The following GBP3 variants were observed in gnomAD, a reference collection of about 807,000 sequenced individuals.
The protein encoded by GBP3 is guanylate binding protein 3, also known as guanylate-binding protein 3.
GBP3 carries 55 observed loss-of-function variants against 62.4 expected under a neutral mutation model. The observed-to-expected ratio is 0.88, with a 90% CI of 0.71 to 1.10. The LOEUF (loss-of-function observed/expected upper bound fraction) is 1.10. Ranked by LOEUF, GBP3 falls within the 50% of genes least tolerant of loss-of-function variation. The pLI, the probability that GBP3 is intolerant of heterozygous loss-of-function variation, is 0.00. For synonymous variants in GBP3, 208 were observed against 259.2 expected (o/e 0.80, Z 1.90); for missense variants, 605 against 690.6 (o/e 0.88, Z 1.39).
At chr1:89,018,886 C>T (rs373001548) in intron 2 of GBP3, among the ~76,000 whole-genome samples, 5 of 152,328 alleles carry the variant, frequency 3.3e-5, no homozygotes, top group South Asian at 4.1e-4. Context: ...TATTATTTCT[C>T]GACCTGCCGG....
At position 89,015,203 on chromosome 1, in the gene GBP3, A is replaced by T. The variant is rs1570899256; in HGVS notation, c.318+84T>A. On this transcript the variant is annotated intron_variant, in intron 3 of 10. Transcript: ENST00000370481. ...AAAGACAAATTATAGTTAAATGCAA[A>T]CTCTTCTTTAAGAAAAAACTAAATG... 9 of 1,357,198 alleles carry T rather than the reference A, an allele frequency of 6.6e-6. No homozygotes were observed. The East Asian group carries it at 1.7e-4, about 25-fold the overall frequency. 84.1% of individuals were successfully genotyped at this position (1,357,198 alleles called of 1,614,324 possible). A position where few individuals can be genotyped will look rare whatever the true frequency, so the allele number is the denominator to read the frequency against.
chr1:89,018,828 G>A (rs771577918), intron 2 of GBP3, among the ~76,000 whole-genome samples: 15 of 152,266 alleles, frequency 9.9e-5, no homozygotes, highest in Non-Finnish European at 1.3e-4. Flanking sequence ...CACGGGACCA[G>A]AAGGCTGTGA....
In GBP3 at chr1:89,007,526, G is replaced by A. The variant is rs1028521507; in HGVS notation, c.*198C>T. 1.6e-5 allele frequency: 9 copies of A among 550,550 alleles called. No individual in the cohort carries two copies. In the South Asian group the frequency reaches 1.8e-4, roughly 11 times the overall value. The allele number at this position is 550,550 out of a possible 1,614,324, so 34.1% of individuals were successfully genotyped here. On this transcript the variant is annotated 3_prime_UTR_variant, in exon 11 of 11. Transcript: ENST00000370481. ...ATGATCCCTCCTCTGTTGGTACAGA[G>A]GTAAATGCATCTTTGTTGCACAATT...
At chr1:89,008,621 C>T (rs1299764758) in intron 10 of GBP3, among the ~76,000 whole-genome samples, 2 of 151,540 alleles carry the variant, frequency 1.3e-5, no homozygotes, top group African/African-American at 4.9e-5. Context: ...TGTTTCCTCT[C>T]CTAAGTAATA....
intron 5 of GBP3, 169 bp downstream of exon 5, chr1:89,013,914 C>CT (rs1208977214): frequency 4.6e-6 from 3 of 655,650 alleles, no homozygotes; most frequent in Non-Finnish European, 5.0e-6. Context: ...TCCTTTTTTC[C>CT]TTTTTTCAAA....
intron 2 of GBP3, among the ~76,000 whole-genome samples, chr1:89,019,212 C>T (rs4655891): frequency 6.6e-6 from 1 of 152,034 alleles, no homozygotes; most frequent in South Asian, 2.1e-4. Context: ...TGTAAGCAAC[C>T]CAAGTGTCAA....
intron 2 of GBP3, among the ~76,000 whole-genome samples, chr1:89,017,469 T>C (rs1299801342): frequency 1.3e-5 from 2 of 152,156 alleles, no homozygotes; most frequent in Non-Finnish European, 2.9e-5. Flanking sequence ...ACAGATAACT[T>C]TGACTTCATC....
intron 2 of GBP3, among the ~76,000 whole-genome samples, chr1:89,017,133 A>G (rs910470137): frequency 6.6e-6 from 1 of 152,190 alleles, no homozygotes; most frequent in South Asian, 2.1e-4. Flanking sequence ...AGGATAATCA[A>G]CACAGTTTGG....
chr1:89,020,861 GA>G, intron 1 of GBP3, 118 bp from the exon 2 acceptor site: 2 of 733,616 alleles, frequency 2.7e-6, no homozygotes, highest in Non-Finnish European at 2.2e-6. Flanking sequence ...AGAGATGAGG[GA>G]AAATGTGTAT....
At chr1:89,009,192 T>C in intron 9 of GBP3, 52 bp from the exon 10 acceptor site, 1 of 1,563,358 alleles carries the variant, frequency 6.4e-7, no homozygotes, top group South Asian at 1.1e-5. Flanking sequence ...GCCTCATTCT[T>C]AGTTATACAC....
intron 2 of GBP3, 53 bp from the exon 3 acceptor site, chr1:89,015,467 C>A: frequency 1.3e-6 from 2 of 1,561,190 alleles, no homozygotes; most frequent in Non-Finnish European, 1.7e-6. Flanking sequence ...GCAGGTACTT[C>A]AGGAAATTGA....
At chr1:89,013,918 T>G (rs1678728464) in intron 5 of GBP3, 165 bp downstream of exon 5, 1 of 698,076 alleles carries the variant, frequency 1.4e-6, no homozygotes, top group East Asian at 2.8e-5. Context: ...TTTTTCCTTT[T>G]TTCAAAAAAC....
chr1:89,013,375 C>T lies in GBP3; in HGVS notation c.678G>A (p.Lys226=), dbSNP rs759089411. The T allele has an allele frequency of 1.2e-6, 2 of 1,614,082 alleles. No homozygotes were observed. Among genetic ancestry groups the T allele is most frequent in the South Asian group, 1.1e-5 (1 of 91,074 alleles). ...NFNLPRLCIR[K]FFPKKKCFVF... is the part of the protein sequence containing the mutation. ...CAAAACATTTTTTCTTTGGGAAGAA[C>T]TTCCGGATACAGAGTCGGGGCAGAT... The change falls in exon 6 of 11, where the codon AAG becomes AAA. Residue 226 remains lysine (K), a synonymous_variant. Coordinates refer to ENST00000370481, the MANE Select transcript of GBP3 (RefSeq NM_018284.3).
intron 2 of GBP3, among the ~76,000 whole-genome samples, chr1:89,015,704 A>G (rs537851711): frequency 4.8e-5 from 7 of 145,456 alleles, no homozygotes; most frequent in Non-Finnish European, 1.0e-4. Flanking sequence ...AGATAGCACC[A>G]CTGCACTCCA....
chr1:89,010,103 C>T (rs1351013238), intron 8 of GBP3, among the ~76,000 whole-genome samples: 1 of 150,408 alleles, frequency 6.6e-6, no homozygotes, highest in Non-Finnish European at 1.5e-5. Context: ...TAATTGACTG[C>T]ACTCTCTAAT....
chr1:89,017,393 A>G (rs535022405), intron 2 of GBP3, among the ~76,000 whole-genome samples: 5 of 152,282 alleles, frequency 3.3e-5, no homozygotes, highest in South Asian at 2.1e-4. Context: ...AGAACTAACC[A>G]TTAGAGCTAA....
At position 89,013,392 on chromosome 1, in the gene GBP3, G is replaced by A. The variant is rs757170023; in HGVS notation, c.661C>T (p.Arg221Ter). The A allele has an allele frequency of 8.7e-6, 14 of 1,612,338 alleles. No homozygotes were observed. Among genetic ancestry groups the A allele is most frequent in the South Asian group, 1.1e-5 (1 of 90,638 alleles). The change falls in exon 6 of 11, where the codon CGA becomes TGA. Residue 221 changes from arginine (R) to a stop codon, truncating the protein, a stop_gained. Transcript: ENST00000370481. LOFTEE classifies it high-confidence loss of function. ...SQKDKNFNLP[R>*]LCIRKFFPKK... ...GGGAAGAACTTCCGGATACAGAGTC[G>A]GGGCAGATTAAAATTTTTATCTTTT...
chr1:89,017,868 C>T (rs1482468622), intron 2 of GBP3, among the ~76,000 whole-genome samples: 1 of 152,108 alleles, frequency 6.6e-6, no homozygotes, highest in African/African-American at 2.4e-5. Context: ...CACCTGAGGT[C>T]AGGAGTTTGA....
intron 1 of GBP3, among the ~76,000 whole-genome samples, chr1:89,021,799 GA>G (rs1240973644): frequency 3.2e-5 from 4 of 125,642 alleles, no homozygotes; most frequent in Admixed American, 2.9e-4. Context: ...GAGAGAGAGA[GA>G]GAGAGAGAGA....
Sources: gnomAD v4.1 joint callset for allele counts (sites outside exome capture counted in the v4.1 genomes callset) on GRCh38, gnomAD v4.1.1 for gene constraint, MANE v1.5 for transcripts, NCBI Gene and HGNC (gene_info 2026-07-23, HGNC 2026-07-21) for gene names.